The following EXOC6B variants were observed in gnomAD, a reference collection of about 807,000 sequenced individuals.
EXOC6B encodes exocyst complex component 6B.
Under a neutral mutation model 113.5 loss-of-function variants are expected in EXOC6B, and 54 were observed. That is an observed-to-expected ratio of 0.48 (90% CI 0.38 to 0.60). The LOEUF is 0.60. Among genes scored for constraint, EXOC6B ranks in the 20% least tolerant of loss-of-function variants. The pLI, the probability that EXOC6B is intolerant of heterozygous loss-of-function variation, is 0.00. For synonymous variants in EXOC6B, 357 were observed against 339.0 expected (o/e 1.05, Z -0.58); for missense variants, 797 against 977.5 (o/e 0.82, Z 2.46).
rs191492569 is a variant in EXOC6B, at chr2:72,416,498, G to C, written c.1981-36628C>G. Among the ~76,000 whole-genome samples the C allele has an allele frequency of 2.8e-4, 43 of 152,266 alleles. 1 individual carries two copies. In the East Asian group the frequency reaches 7.1e-3, roughly 25 times the overall value. On this transcript the variant is annotated intron_variant, in intron 18 of 21. Transcript: ENST00000272427. ...TGCACATATCTCCAAATTGGAAAGAGGACAAATGGGAAACACAGCAGCCAC... is the reference window on the plus strand; with the variant it reads ...TGCACATATCTCCAAATTGGAAAGACGACAAATGGGAAACACAGCAGCCAC...
intron 1 of EXOC6B, among the ~76,000 whole-genome samples, chr2:72,795,011 G>A (rs1323030739): frequency 6.6e-6 from 1 of 152,198 alleles, no homozygotes; most frequent in African/African-American, 2.4e-5. Flanking sequence ...GTACAGTGTG[G>A]CTACATCAGT....
In EXOC6B at chr2:72,513,140, T is replaced by C; in HGVS notation, c.1159A>G (p.Thr387Ala). The C allele has an allele frequency of 2.5e-6, 4 of 1,613,192 alleles. No homozygotes were observed. The South Asian group carries it at 4.4e-5, about 18-fold the overall frequency. Reference protein sequence around the residue: ...ALSKTIAALRTHSSYCSDPNL... With the variant: ...ALSKTIAALRAHSSYCSDPNL... ...TTGGGCTTCTTACATACCGAGTGGG[T>C]ACGGAGTGCTGCGATGGTTTTTGAA... is the stretch of plus-strand genomic sequence containing the variant. The change falls in exon 11 of 22, where the codon ACC becomes GCC. Residue 387 changes from threonine to alanine, a missense_variant. By Grantham distance (58) the Thr-to-Ala change is moderately conservative (BLOSUM62 0). Coordinates refer to ENST00000272427, the MANE Select transcript of EXOC6B (RefSeq NM_015189.3).
At chr2:72,254,842 A>ATTCATTT (rs1204904811) in intron 20 of EXOC6B, among the ~76,000 whole-genome samples, 1 of 152,208 alleles carries the variant, frequency 6.6e-6, no homozygotes, top group Non-Finnish European at 1.5e-5. Context: ...TTGTATATCA[A>ATTCATTT]GCTGAGATTT....
intron 8 of EXOC6B, among the ~76,000 whole-genome samples, chr2:72,518,281 T>C (rs780853512): frequency 3.3e-5 from 5 of 152,210 alleles, no homozygotes; most frequent in Admixed American, 2.0e-4. Flanking sequence ...CTTTATATCA[T>C]TAGTATTACA....
intron 6 of EXOC6B, among the ~76,000 whole-genome samples, chr2:72,598,293 T>C (rs1361609900): frequency 6.6e-6 from 1 of 151,918 alleles, no homozygotes; most frequent in African/African-American, 2.4e-5. Context: ...ATTTTGAGAT[T>C]AAACAACATA....
intron 6 of EXOC6B, among the ~76,000 whole-genome samples, chr2:72,665,513 C>G (rs1340890441): frequency 6.6e-6 from 1 of 152,038 alleles, no homozygotes; most frequent in Non-Finnish European, 1.5e-5. Flanking sequence ...CAGCAGAAAC[C>G]TTATAAGCCA....
intron 6 of EXOC6B, among the ~76,000 whole-genome samples, chr2:72,615,901 G>A (rs1671361735): frequency 6.6e-6 from 1 of 152,078 alleles, no homozygotes; most frequent in African/African-American, 2.4e-5. Flanking sequence ...GTGGAAAACA[G>A]CAATCTTGAT....
chr2:72,296,956 C>T (rs1573204398), intron 20 of EXOC6B, among the ~76,000 whole-genome samples: 1 of 152,130 alleles, frequency 6.6e-6, no homozygotes, highest in Non-Finnish European at 1.5e-5. Flanking sequence ...TCCACCTTTA[C>T]ATTTATTCTC....
chr2:72,194,786 A>G (rs891888567), intron 20 of EXOC6B, among the ~76,000 whole-genome samples: 2 of 152,030 alleles, frequency 1.3e-5, no homozygotes, highest in Non-Finnish European at 2.9e-5. Context: ...TGGTAGAGAG[A>G]GGTTCCAAAT....
chr2:72,784,513 G>C (rs1684258195), intron 1 of EXOC6B, among the ~76,000 whole-genome samples: 1 of 152,170 alleles, frequency 6.6e-6, no homozygotes, highest in South Asian at 2.1e-4. Context: ...TGGACTTACA[G>C]TTCCACATGG....
intron 6 of EXOC6B, among the ~76,000 whole-genome samples, chr2:72,648,315 CT>C (rs1002661672): frequency 6.6e-6 from 1 of 152,210 alleles, no homozygotes; most frequent in African/African-American, 2.4e-5. Context: ...AATAGGAACG[CT>C]TTTACACCGT....
At chr2:72,792,237 G>A (rs1684714035) in intron 1 of EXOC6B, among the ~76,000 whole-genome samples, 2 of 152,236 alleles carry the variant, frequency 1.3e-5, no homozygotes, top group South Asian at 4.1e-4. Context: ...TCCCAGCCTG[G>A]CCACTTGTTA....
chr2:72,509,195 G>C (rs1445116092), intron 11 of EXOC6B, among the ~76,000 whole-genome samples: 1 of 152,212 alleles, frequency 6.6e-6, no homozygotes, highest in African/African-American at 2.4e-5. Context: ...GACAGAGTGA[G>C]AAGGCAGCCT....
intron 19 of EXOC6B, among the ~76,000 whole-genome samples, chr2:72,366,021 C>T (rs190389829): frequency 6.8e-4 from 104 of 152,198 alleles, no homozygotes; most frequent in African/African-American, 2.5e-3. Context: ...TACAACACAG[C>T]ATCCAACAAT....
At chr2:72,345,702 A>C (rs1035968414) in intron 19 of EXOC6B, among the ~76,000 whole-genome samples, 2 of 152,158 alleles carry the variant, frequency 1.3e-5, no homozygotes, top group African/African-American at 4.8e-5. Context: ...GGTGCAAAAC[A>C]GATGATTTTT....
intron 20 of EXOC6B, among the ~76,000 whole-genome samples, chr2:72,221,564 G>A (rs1265465340): frequency 5.9e-5 from 9 of 152,008 alleles, no homozygotes; most frequent in Admixed American, 5.9e-4. Context: ...TACAACTACA[G>A]AATCTATTAT....
intron 8 of EXOC6B, among the ~76,000 whole-genome samples, chr2:72,529,666 T>C (rs1317498977): frequency 6.6e-6 from 1 of 152,222 alleles, no homozygotes; most frequent in Non-Finnish European, 1.5e-5. Flanking sequence ...TCTCACTATG[T>C]TGCCAAGGCT....
intron 18 of EXOC6B, among the ~76,000 whole-genome samples, chr2:72,382,658 A>T (rs1409250052): frequency 6.6e-6 from 1 of 152,158 alleles, no homozygotes; most frequent in East Asian, 1.9e-4. Flanking sequence ...CCTACTCATG[A>T]ATATGGCATG....
intron 18 of EXOC6B, among the ~76,000 whole-genome samples, chr2:72,409,402 A>G (rs1694012533): frequency 6.6e-6 from 1 of 152,166 alleles, no homozygotes; most frequent in South Asian, 2.1e-4. Context: ...ATGCTGCTAT[A>G]AAGACACATG....
Sources: allele counts gnomAD v4.1 joint callset (sites outside exome capture counted in the v4.1 genomes callset), GRCh38; gene constraint gnomAD v4.1.1; transcripts MANE v1.5; gene names NCBI Gene and HGNC (gene_info 2026-07-23, HGNC 2026-07-21).